The following RAB38 variants were observed in gnomAD, a reference collection of about 807,000 sequenced individuals.
The protein encoded by RAB38 is ras-related protein Rab-38.
A neutral mutation model predicts 18.4 loss-of-function variants in RAB38; 15 were observed. The observed-to-expected ratio is 0.82, with a 90% CI of 0.55 to 1.26. The LOEUF (loss-of-function observed/expected upper bound fraction) is 1.26. Among genes scored for constraint, RAB38 ranks in the 50% most tolerant of loss-of-function variants. The pLI is 0.00. For missense variants in RAB38, 294 were observed against 267.4 expected, an observed-to-expected ratio of 1.10 and a Z score of -0.69; for synonymous variants, 101 against 104.4, an observed-to-expected ratio of 0.97 and a Z score of 0.20.
the RAB38 span, among the ~76,000 whole-genome samples, chr11:87,856,580 A>T: frequency 2.2e-4 from 33 of 152,088 alleles, no homozygotes; most frequent in Non-Finnish European, 3.5e-4. Flanking sequence ...ATGTATTATT[A>T]AAAAAAATTT....
chr11:87,851,077 G>A, the RAB38 span, among the ~76,000 whole-genome samples: 1 of 152,144 alleles, frequency 6.6e-6, no homozygotes, highest in Non-Finnish European at 1.5e-5. Context: ...ACAGAATGCT[G>A]TCCCTTGGCC....
At chr11:87,966,516 C>G in the RAB38 span, among the ~76,000 whole-genome samples, 1 of 152,114 alleles carries the variant, frequency 6.6e-6, no homozygotes, top group African/African-American at 2.4e-5. Context: ...TCCAAGAAGG[C>G]AGCAATGCCT....
the RAB38 span, among the ~76,000 whole-genome samples, chr11:88,015,864 T>C: frequency 6.6e-6 from 1 of 152,152 alleles, no homozygotes; most frequent in African/African-American, 2.4e-5. Flanking sequence ...CCAGCCTCTG[T>C]TCCAAGTAAA....
the RAB38 span, among the ~76,000 whole-genome samples, chr11:88,099,426 C>T: frequency 3.3e-5 from 5 of 151,854 alleles, no homozygotes; most frequent in East Asian, 9.7e-4. Flanking sequence ...CTTGATGTGA[C>T]ACTCCGAAAA....
the RAB38 span, among the ~76,000 whole-genome samples, chr11:87,911,098 A>T: frequency 6.6e-6 from 1 of 151,398 alleles, no homozygotes; most frequent in Non-Finnish European, 1.5e-5. Context: ...TGTGTAGATT[A>T]TGTATAAATT....
the RAB38 span, among the ~76,000 whole-genome samples, chr11:88,079,643 A>G: frequency 6.6e-6 from 1 of 151,860 alleles, no homozygotes; most frequent in Non-Finnish European, 1.5e-5. Flanking sequence ...ATGCAATAAT[A>G]TTAAGAAAAT....
the RAB38 span, among the ~76,000 whole-genome samples, chr11:87,868,579 G>GAA: frequency 4.1e-5 from 1 of 24,316 alleles, no homozygotes; most frequent in Non-Finnish European, 7.9e-5. Flanking sequence ...AGGAGTGAGG[G>GAA]AGAGAGAGAG....
At chr11:87,885,943 C>CTGTTGGGAGAAATGCTGAG in the RAB38 span, among the ~76,000 whole-genome samples, 4 of 151,936 alleles carry the variant, frequency 2.6e-5, no homozygotes, top group African/African-American at 9.7e-5. Flanking sequence ...TTCTGGTATT[C>CTGTTGGGAGAAATGCTGAG]TGTTGGGAGA....
rs563421881 is a variant in RAB38 at position 88,149,713 on chromosome 11, C to T, written c.445G>A (p.Glu149Lys). 1.8e-4 allele frequency: 295 copies of T among 1,613,594 alleles called. 3 individuals carry two copies. The South Asian group carries it at 3.1e-3, about 17-fold the overall frequency. Residue 149 changes from glutamate to lysine, a missense_variant, in exon 2 of 3, where the codon GAG becomes AAG. By Grantham distance (56) the Glu-to-Lys change is moderately conservative. Transcript: ENST00000243662. ...NGLKMDQFCK[E>K]HGFVGWFETS... ...TCAAACCATCCTACGAAACCGTGCTCCTTGCAGAACTGGTCCATCTTGAGG... is the reference window on the plus strand; with the variant it reads ...TCAAACCATCCTACGAAACCGTGCTTCTTGCAGAACTGGTCCATCTTGAGG...
chr11:87,938,683 A>C, the RAB38 span, among the ~76,000 whole-genome samples: 3 of 147,874 alleles, frequency 2.0e-5, no homozygotes, highest in Admixed American at 6.7e-5. Flanking sequence ...AAAAAAAAAA[A>C]ACCACAAAAT....
chr11:87,874,138 C>G, the RAB38 span, among the ~76,000 whole-genome samples: 1 of 150,938 alleles, frequency 6.6e-6, no homozygotes, highest in Non-Finnish European at 1.5e-5. Context: ...ACTCCTTGTT[C>G]ATAGAGAAAT....
At chr11:88,013,985 A>G in the RAB38 span, among the ~76,000 whole-genome samples, 1 of 152,152 alleles carries the variant, frequency 6.6e-6, no homozygotes, top group Non-Finnish European at 1.5e-5. Context: ...GTCATATTAG[A>G]AGTGGTGACC....
At chr11:88,011,090 G>T in the RAB38 span, among the ~76,000 whole-genome samples, 1 of 152,062 alleles carries the variant, frequency 6.6e-6, no homozygotes, top group African/African-American at 2.4e-5. Flanking sequence ...ATTCCAGATG[G>T]GTATCTACTG....
At chr11:88,062,680 T>G in the RAB38 span, among the ~76,000 whole-genome samples, 18 of 152,306 alleles carry the variant, frequency 1.2e-4, no homozygotes, top group South Asian at 3.7e-3. Flanking sequence ...AAGAGCAACA[T>G]GGAAGAAGAA....
At chr11:87,887,474 C>A in the RAB38 span, among the ~76,000 whole-genome samples, 1 of 151,902 alleles carries the variant, frequency 6.6e-6, no homozygotes, top group Non-Finnish European at 1.5e-5. Context: ...ATATGATATT[C>A]CACACCAAGA....
the RAB38 span, among the ~76,000 whole-genome samples, chr11:87,962,271 C>T: frequency 7.2e-5 from 11 of 152,094 alleles, no homozygotes; most frequent in African/African-American, 1.9e-4. Context: ...AGCACTAAAC[C>T]GAGTCCACTT....
the RAB38 span, among the ~76,000 whole-genome samples, chr11:87,898,513 C>T: frequency 6.6e-6 from 1 of 151,688 alleles, no homozygotes; most frequent in Non-Finnish European, 1.5e-5. Flanking sequence ...GATTCCACAA[C>T]AGCAGGAGCA....
chr11:88,082,296 G>C, the RAB38 span, among the ~76,000 whole-genome samples: 3 of 151,784 alleles, frequency 2.0e-5, no homozygotes, highest in Non-Finnish European at 4.4e-5. Context: ...GAGCAAAAAT[G>C]TTAATCATCT....
chr11:88,035,454 G>A, the RAB38 span, among the ~76,000 whole-genome samples: 2 of 152,214 alleles, frequency 1.3e-5, no homozygotes, highest in South Asian at 2.1e-4. Context: ...ACATAAAGGG[G>A]AGTTTATTAA....
Sources: gnomAD v4.1 joint callset for allele counts (sites outside exome capture counted in the v4.1 genomes callset) on GRCh38, gnomAD v4.1.1 for gene constraint, MANE v1.5 for transcripts, NCBI Gene and HGNC (gene_info 2026-07-23, HGNC 2026-07-21) for gene names.